The following C1QTNF7 variants were observed in gnomAD, a reference collection of about 807,000 sequenced individuals.
The protein encoded by C1QTNF7 is C1q and TNF related 7.
A neutral mutation model predicts 19.6 loss-of-function variants in C1QTNF7; 15 were observed. The ratio of observed to expected loss-of-function variants is 0.76; its 90% CI spans 0.51 to 1.18. C1QTNF7 has a LOEUF of 1.18. Among genes scored for constraint, C1QTNF7 ranks in the 50% most tolerant of loss-of-function variants. C1QTNF7 has a pLI of 0.00. For synonymous variants in C1QTNF7, 142 were observed against 137.5 expected (o/e 1.03, Z -0.23); for missense variants, 324 against 359.7 (o/e 0.90, Z 0.80).
At chr4:15,355,834 T>C (rs1717125567) in intron 1 of C1QTNF7, among the ~76,000 whole-genome samples, 1 of 152,126 alleles carries the variant, frequency 6.6e-6, no homozygotes, top group South Asian at 2.1e-4. Flanking sequence ...CCCTCTGTAA[T>C]GCTCAATAAA....
At position 15,445,276 on chromosome 4, in the gene C1QTNF7, G is replaced by C. The variant is rs1171917432; in HGVS notation, c.*2477G>C. 6.6e-6 allele frequency: 1 copy of C among 152,196 alleles called. No individual in the cohort carries two copies. The highest frequency in any genetic ancestry group is 1.5e-5 in the Non-Finnish European group (1 of 68,022). The allele number at this position is 152,196 out of a possible 1,614,324, so 9.4% of individuals were successfully genotyped here. On this transcript the variant is annotated 3_prime_UTR_variant, in exon 3 of 3. Transcript: ENST00000444304. ...TATAAAGCATAAAAAAGAGCCAACAGAAGTAACTAATCCGGGAAAAGTGAA... is the reference window on the plus strand; with the variant it reads ...TATAAAGCATAAAAAAGAGCCAACACAAGTAACTAATCCGGGAAAAGTGAA...
chr4:15,359,354 T>C (rs543012576), intron 1 of C1QTNF7, among the ~76,000 whole-genome samples: 1 of 152,290 alleles, frequency 6.6e-6, no homozygotes, highest in African/African-American at 2.4e-5. Flanking sequence ...TCTGGGCCCA[T>C]AAATTATGTT....
rs987641837 is a variant in C1QTNF7, at chr4:15,446,146, C to T, written c.*3347C>T. 2.6e-5 allele frequency: 4 copies of T among 152,062 alleles called. No individual in the cohort carries two copies. The highest frequency in any genetic ancestry group is 6.5e-5 in the Admixed American group (1 of 15,270). 9.4% of individuals were successfully genotyped at this position (152,062 alleles called of 1,614,324 possible). A position where few individuals can be genotyped will look rare whatever the true frequency, so the allele number is the denominator to read the frequency against. ...ACCACTCTGTGTAAAAGATCATGAA[C>T]GTAAATAAATTTTAGATATGAGCTG... is the stretch of plus-strand genomic sequence containing the variant. On this transcript the variant is annotated 3_prime_UTR_variant, in exon 3 of 3. Coordinates refer to ENST00000444304, the MANE Select transcript of C1QTNF7 (RefSeq NM_031911.5).
At chr4:15,433,013 C>T (rs532891736) in intron 1 of C1QTNF7, among the ~76,000 whole-genome samples, 1 of 152,188 alleles carries the variant, frequency 6.6e-6, no homozygotes, top group Non-Finnish European at 1.5e-5. Flanking sequence ...GTTCCTGTGA[C>T]TATTGGCATA....
At chr4:15,366,087 C>T (rs1469278844) in intron 1 of C1QTNF7, among the ~76,000 whole-genome samples, 1 of 152,212 alleles carries the variant, frequency 6.6e-6, no homozygotes, top group Non-Finnish European at 1.5e-5. Context: ...GATGGGTTAA[C>T]AGCTGGAGAG....
chr4:15,431,348 G>T (rs1384459190), intron 1 of C1QTNF7, among the ~76,000 whole-genome samples: 1 of 152,126 alleles, frequency 6.6e-6, no homozygotes, highest in Non-Finnish European at 1.5e-5. Flanking sequence ...TGGGGAAGGA[G>T]GACACTCAAG....
chr4:15,395,386 C>G lies in C1QTNF7; in HGVS notation c.14-40350C>G, dbSNP rs570670518. Among the ~76,000 whole-genome samples, 5 of 152,310 alleles carry G rather than the reference C, an allele frequency of 3.3e-5. No homozygotes were observed. In the East Asian group the frequency reaches 9.6e-4, roughly 29 times the overall value. On this transcript the variant is annotated intron_variant, in intron 1 of 2. Coordinates refer to the C1QTNF7 transcript ENST00000295297. ...GAGTGCTCTTGGGCAAGCCCCCTTG[C>G]TTTCTGTAAGAACTGGCTATGCCTG...
Position 15,367,551 on chromosome 4 carries a change from T to G in C1QTNF7, c.13+27344T>G, listed in dbSNP as rs183361087. On this transcript the variant is annotated intron_variant, in intron 1 of 2. Transcript: ENST00000295297. ...TCACTAGGATGTATGTGTATCAATG[T>G]CAGAGGGACCAGGCTGATCCCCAGA... 6.6e-5 allele frequency among the ~76,000 whole-genome samples: 10 copies of G among 152,342 alleles called. No homozygotes were observed. In the East Asian group the frequency reaches 1.9e-3, roughly 29 times the overall value.
chr4:15,411,371 T>A (rs542407205), intron 1 of C1QTNF7, among the ~76,000 whole-genome samples: 23 of 152,180 alleles, frequency 1.5e-4, no homozygotes, highest in Admixed American at 2.6e-4. Context: ...AAAAAACCAC[T>A]GTGCACATGC....
chr4:15,393,271 C>T (rs1189158993), intron 1 of C1QTNF7, among the ~76,000 whole-genome samples: 3 of 152,140 alleles, frequency 2.0e-5, no homozygotes, highest in Non-Finnish European at 4.4e-5. Context: ...TATAAATTAC[C>T]CAGTTTCAGG....
chr4:15,441,494 C>A (rs1313384884), intron 2 of C1QTNF7, among the ~76,000 whole-genome samples: 3 of 152,232 alleles, frequency 2.0e-5, no homozygotes, highest in Non-Finnish European at 4.4e-5. Flanking sequence ...CTGGTTCTGT[C>A]TGCCCCTCTG....
At chr4:15,356,117 ATATTT>A (rs997136891) in intron 1 of C1QTNF7, among the ~76,000 whole-genome samples, 32 of 151,900 alleles carry the variant, frequency 2.1e-4, no homozygotes, top group Admixed American at 3.9e-4. Flanking sequence ...TTTTATTATT[ATATTT>A]TAAGTTCTAG....
intron 1 of C1QTNF7, among the ~76,000 whole-genome samples, chr4:15,376,676 T>C (rs1717952289): frequency 6.6e-6 from 1 of 152,184 alleles, no homozygotes; most frequent in African/African-American, 2.4e-5. Flanking sequence ...TGGAAGTAAA[T>C]GAGTGTTTTA....
At chr4:15,389,848 G>A (rs1376082566) in intron 1 of C1QTNF7, among the ~76,000 whole-genome samples, 2 of 152,152 alleles carry the variant, frequency 1.3e-5, no homozygotes, top group African/African-American at 2.4e-5. Flanking sequence ...AATGTGAGTA[G>A]GTCAGGGGGC....
intron 2 of C1QTNF7, 137 bp downstream of exon 2, chr4:15,436,118 C>A (rs1712526946): frequency 1.6e-6 from 2 of 1,237,978 alleles, no homozygotes; most frequent in African/African-American, 3.1e-5. Context: ...CTTACTGAGC[C>A]CTTACTAGGC....
intron 1 of C1QTNF7, among the ~76,000 whole-genome samples, chr4:15,380,427 C>T (rs1432358799): frequency 6.6e-6 from 1 of 152,196 alleles, no homozygotes; most frequent in Non-Finnish European, 1.5e-5. Flanking sequence ...GGCAATATAG[C>T]TGCTGCACCT....
intron 1 of C1QTNF7, among the ~76,000 whole-genome samples, chr4:15,354,642 C>T (rs1476088309): frequency 2.0e-5 from 3 of 151,978 alleles, no homozygotes; most frequent in Non-Finnish European, 4.4e-5. Flanking sequence ...AATCCCTGGA[C>T]TTTGATGTGG....
intron 1 of C1QTNF7, among the ~76,000 whole-genome samples, chr4:15,366,581 T>C (rs1194262394): frequency 1.3e-5 from 2 of 152,172 alleles, no homozygotes; most frequent in Non-Finnish European, 2.9e-5. Context: ...TTTTCCTCAC[T>C]TTTTTCCCTT....
intron 2 of C1QTNF7, among the ~76,000 whole-genome samples, chr4:15,439,974 G>T (rs2108941697): frequency 6.6e-6 from 1 of 150,808 alleles, no homozygotes; most frequent in South Asian, 2.1e-4. Context: ...CAAAATCAAT[G>T]TCTTATATAG....
Sources: allele counts gnomAD v4.1 joint callset (sites outside exome capture counted in the v4.1 genomes callset), GRCh38; gene constraint gnomAD v4.1.1; transcripts MANE v1.5; gene names NCBI Gene and HGNC (gene_info 2026-07-23, HGNC 2026-07-21).